FAM135B: variants seen among roughly 807,000 people sequenced by gnomAD.
FAM135B encodes family with sequence similarity 135 member B, also known as protein FAM135B.
FAM135B carries 43 observed loss-of-function variants against 127.7 expected under a neutral mutation model. That is an observed-to-expected ratio of 0.34 (90% CI 0.26 to 0.43). The LOEUF is 0.43. Among genes scored for constraint, FAM135B ranks in the 20% least tolerant of loss-of-function variants. The probability of loss-of-function intolerance (pLI) is 1.00; values close to 1 mark genes in which losing one functional copy is unlikely to be tolerated. For missense variants in FAM135B, 1,558 were observed against 1,725.6 expected (o/e 0.90, Z 1.72); for synonymous variants, 670 against 665.1 (o/e 1.01, Z -0.11).
chr8:138,397,058 A>G (rs1382286980), intron 1 of FAM135B, among the ~76,000 whole-genome samples: 1 of 152,152 alleles, frequency 6.6e-6, no homozygotes, highest in African/African-American at 2.4e-5. Context: ...CAGGCTGTAA[A>G]GCAGTTAACC....
intron 9 of FAM135B, among the ~76,000 whole-genome samples, chr8:138,194,229 C>A (rs760114163): frequency 2.0e-5 from 3 of 152,274 alleles, no homozygotes; most frequent in Middle Eastern, 3.4e-3. Flanking sequence ...AAGTCCCACC[C>A]CTTCTCCCAG....
chr8:138,152,635 CATGGAGAGT>C lies in FAM135B; in HGVS notation c.1831_1839del (p.Thr611_His613del), dbSNP rs1034639023. ...ATTCCCTTTCCTAGAGTACTTAATT[CATGGAGAGT>C]TGTTTTGTCTGAAGAGATGGCATTT... On this transcript the variant is annotated inframe_deletion, in exon 13 of 20. Transcript: ENST00000395297. The C allele has an allele frequency of 6.2e-7, 1 of 1,614,018 alleles. No homozygotes were observed. The highest frequency in any genetic ancestry group is 1.3e-5 in the African/African-American group (1 of 74,908).
At chr8:138,258,323 G>A (rs1294565484) in intron 4 of FAM135B, among the ~76,000 whole-genome samples, 1 of 152,114 alleles carries the variant, frequency 6.6e-6, no homozygotes, top group Non-Finnish European at 1.5e-5. Context: ...TTCATGGAGA[G>A]ATATACAGAT....
At chr8:138,301,756 C>A (rs1825903168) in intron 3 of FAM135B, among the ~76,000 whole-genome samples, 1 of 152,208 alleles carries the variant, frequency 6.6e-6, no homozygotes, top group African/African-American at 2.4e-5. Flanking sequence ...AAAAAGCTTT[C>A]TCATGTTAAA....
At chr8:138,432,930 C>CAT (rs1172272303) in intron 1 of FAM135B, among the ~76,000 whole-genome samples, 2 of 152,044 alleles carry the variant, frequency 1.3e-5, no homozygotes, top group African/African-American at 2.4e-5. Context: ...AACCAAAAGG[C>CAT]ACACAGGAAG....
At chr8:138,149,699 G>A (rs977438314) in intron 13 of FAM135B, among the ~76,000 whole-genome samples, 1 of 151,990 alleles carries the variant, frequency 6.6e-6, no homozygotes, top group African/African-American at 2.4e-5. Context: ...TTTCTTCTCA[G>A]AGTAGATGCC....
intron 12 of FAM135B, among the ~76,000 whole-genome samples, chr8:138,162,488 G>A (rs921712734): frequency 1.3e-5 from 2 of 152,316 alleles, no homozygotes; most frequent in African/African-American, 4.8e-5. Context: ...TTCATCTGCT[G>A]TAACAAAGGC....
At chr8:138,215,852 T>C (rs916040089) in intron 7 of FAM135B, among the ~76,000 whole-genome samples, 2 of 152,120 alleles carry the variant, frequency 1.3e-5, no homozygotes, top group Non-Finnish European at 2.9e-5. Context: ...CCCCAGAAGA[T>C]ATTCTGGCAG....
Position 138,152,757 on chromosome 8 carries a change from T to C in FAM135B, c.1718A>G (p.Asn573Ser), listed in dbSNP as rs374390884. 3.5e-5 allele frequency: 57 copies of C among 1,614,224 alleles called. No individual in the cohort carries two copies. In the African/African-American group the frequency reaches 6.0e-4, roughly 17 times the overall value. Residue 573 changes from asparagine to serine, a missense_variant, in exon 13 of 20, where the codon AAT becomes AGT. Asn to Ser is a conservative substitution (Grantham distance 46). Transcript: ENST00000395297. ...PSRAEPLVAF[N>S]AQHESRSSRD... ...AGAGCTCCTACTCTCATGCTGAGCA[T>C]TGAAGGCCACCAGGGGTTCAGCTCT...
chr8:138,478,575 A>G (rs1814626889), intron 1 of FAM135B, among the ~76,000 whole-genome samples: 1 of 152,192 alleles, frequency 6.6e-6, no homozygotes, highest in Admixed American at 6.5e-5. Context: ...CTGCCTTATC[A>G]GACATTCAAC....
At chr8:138,348,123 TC>T (rs1223301896) in intron 2 of FAM135B, among the ~76,000 whole-genome samples, 5 of 96,788 alleles carry the variant, frequency 5.2e-5, no homozygotes, top group South Asian at 3.8e-4. Flanking sequence ...TTCTTTTTCC[TC>T]CTCTTTTTTT....
chr8:138,390,370 T>A (rs1340588181), intron 1 of FAM135B, among the ~76,000 whole-genome samples: 2 of 152,170 alleles, frequency 1.3e-5, no homozygotes, highest in Non-Finnish European at 2.9e-5. Context: ...AAACCCCTTT[T>A]TGCTTGGTTC....
intron 2 of FAM135B, among the ~76,000 whole-genome samples, chr8:138,313,834 C>T (rs1290724035): frequency 1.3e-5 from 2 of 150,230 alleles, no homozygotes; most frequent in Non-Finnish European, 3.0e-5. Flanking sequence ...TTTGTTTTAG[C>T]CCCAAATGCA....
intron 3 of FAM135B, 44 bp from the exon 4 acceptor site, chr8:138,265,886 T>A (rs1822881304): frequency 1.9e-6 from 3 of 1,582,422 alleles, no homozygotes; most frequent in Non-Finnish European, 2.6e-6. Flanking sequence ...TCCAATACTG[T>A]CCTGTACCTG....
intron 2 of FAM135B, chr8:138,367,214 T>C: frequency 9.1e-6 from 3 of 328,040 alleles, no homozygotes; most frequent in Non-Finnish European, 1.8e-5. Context: ...TCAATTTCTA[T>C]TAACTTTGCT....
chr8:138,286,477 A>G (rs530509449), intron 3 of FAM135B, among the ~76,000 whole-genome samples: 36 of 152,346 alleles, frequency 2.4e-4, no homozygotes, highest in African/African-American at 8.2e-4. Flanking sequence ...TTATCCACGT[A>G]TAGACGGCCT....
chr8:138,147,165 A>C (rs975364281), intron 14 of FAM135B, among the ~76,000 whole-genome samples: 1 of 152,096 alleles, frequency 6.6e-6, no homozygotes, highest in African/African-American at 2.4e-5. Flanking sequence ...ATTTTGTGTT[A>C]TGAGGTTAAT....
In FAM135B at chr8:138,200,141, T is replaced by C. The variant is rs72721700; in HGVS notation, c.670-2472A>G. 4.1e-3 allele frequency among the ~76,000 whole-genome samples: 632 copies of C among 152,326 alleles called. 4 individuals carry two copies. The highest frequency in any genetic ancestry group is 0.011 in the South Asian group (51 of 4,824). On this transcript the variant is annotated intron_variant, in intron 7 of 19. Coordinates refer to ENST00000395297, the MANE Select transcript of FAM135B (RefSeq NM_015912.4). ...ACCCTCTGTAGAACTTTACCCTCCA[T>C]GGCTTGCATTTCTCAGCTCTGAAGT... is the stretch of plus-strand genomic sequence containing the variant.
chr8:138,250,825 C>A lies in FAM135B; in HGVS notation c.542+16G>T, dbSNP rs763893074. 1.9e-6 allele frequency: 3 copies of A among 1,612,820 alleles called. No individual in the cohort carries two copies. Among genetic ancestry groups the A allele is most frequent in the Admixed American group, 3.3e-5 (2 of 59,984 alleles). ...AGGTGGCTCCCACATATCAGGGCTG[C>A]CTCTGAACTTCATACCTGATCAATG... is the stretch of plus-strand genomic sequence containing the variant. On this transcript the variant is annotated intron_variant, in intron 6 of 19. Coordinates refer to ENST00000395297, the MANE Select transcript of FAM135B (RefSeq NM_015912.4).
Sources: gnomAD v4.1 joint callset for allele counts (sites outside exome capture counted in the v4.1 genomes callset) on GRCh38, gnomAD v4.1.1 for gene constraint, MANE v1.5 for transcripts, NCBI Gene and HGNC (gene_info 2026-07-23, HGNC 2026-07-21) for gene names.